LINGO2: variants seen among roughly 807,000 people sequenced by gnomAD.
LINGO2 encodes leucine-rich repeat and immunoglobulin-like domain-containing nogo receptor-interacting protein 2.
A neutral mutation model predicts 30.6 loss-of-function variants in LINGO2; 14 were observed. The observed-to-expected ratio is 0.46, with a 90% confidence interval of 0.30 to 0.72. The LOEUF is 0.72. LINGO2 is among the 30% of genes least tolerant of loss of function. LINGO2 has a pLI of 0.07. For missense variants in LINGO2, 729 were observed against 751.7 expected, an observed-to-expected ratio of 0.97 and a Z score of 0.35; for synonymous variants, 317 against 288.5, an observed-to-expected ratio of 1.10 and a Z score of -1.00.
the LINGO2 span, among the ~76,000 whole-genome samples, chr9:28,695,569 C>T: frequency 1.3e-5 from 2 of 151,836 alleles, no homozygotes; most frequent in Non-Finnish European, 3.0e-5. Context: ...TGGAAAGATA[C>T]ACATTTTCAA....
At chr9:28,099,589 T>C (rs957165276) in intron 4 of LINGO2, among the ~76,000 whole-genome samples, 5 of 152,204 alleles carry the variant, frequency 3.3e-5, no homozygotes, top group African/African-American at 7.2e-5. Flanking sequence ...CCACTGTATC[T>C]ACTTGGACTA....
chr9:28,851,895 T>C, the LINGO2 span, among the ~76,000 whole-genome samples: 56 of 151,860 alleles, frequency 3.7e-4, no homozygotes, highest in Non-Finnish European at 1.5e-4. Flanking sequence ...TGTATATATA[T>C]AATCACATTT....
chr9:28,753,855 G>A, the LINGO2 span, among the ~76,000 whole-genome samples: 1 of 151,964 alleles, frequency 6.6e-6, no homozygotes, highest in Non-Finnish European at 1.5e-5. Context: ...AAAAGAAAAC[G>A]TATGTAAAGC....
At chr9:29,115,114 A>G in the LINGO2 span, among the ~76,000 whole-genome samples, 4 of 152,166 alleles carry the variant, frequency 2.6e-5, no homozygotes, top group Non-Finnish European at 5.9e-5. Flanking sequence ...GAAACTGACA[A>G]TGGAGCACAA....
At chr9:28,870,894 C>A in the LINGO2 span, among the ~76,000 whole-genome samples, 60 of 152,018 alleles carry the variant, frequency 3.9e-4, no homozygotes, top group African/African-American at 1.3e-3. Flanking sequence ...AAACATGTAT[C>A]AGCCAAAGGC....
At chr9:28,470,677 A>G (rs954443085) in intron 2 of LINGO2, among the ~76,000 whole-genome samples, 3 of 152,144 alleles carry the variant, frequency 2.0e-5, no homozygotes, top group Non-Finnish European at 4.4e-5. Flanking sequence ...ATCGCCATTC[A>G]GCTGTGATTC....
rs145691854 is a variant in LINGO2 at position 28,630,519 on chromosome 9, C to T, written c.-365+39681G>A. On this transcript the variant is annotated intron_variant, in intron 1 of 5. Transcript: ENST00000379992. ...TTTCCTAATTTATGAAAATGACAGA[C>T]ATGATACAACTCAAGCTTCTGAACA... 4.8e-4 allele frequency among the ~76,000 whole-genome samples: 73 copies of T among 152,116 alleles called. No individual in the cohort carries two copies. The East Asian group carries it at 0.013, about 27-fold the overall frequency.
intron 1 of LINGO2, among the ~76,000 whole-genome samples, chr9:28,623,348 C>A (rs546614662): frequency 5.3e-5 from 8 of 152,018 alleles, no homozygotes; most frequent in Admixed American, 2.6e-4. Context: ...GGTTTTAATC[C>A]ATTTTGATTT....
chr9:27,955,935 C>CTTTTTTTTT (rs532878364), intron 5 of LINGO2, among the ~76,000 whole-genome samples: 1 of 106,772 alleles, frequency 9.4e-6, no homozygotes, highest in Non-Finnish European at 1.8e-5. Flanking sequence ...TGGATACTGA[C>CTTTTTTTTT]TTTTTTTTTT....
intron 1 of LINGO2, among the ~76,000 whole-genome samples, chr9:28,541,481 A>G (rs891166997): frequency 3.3e-5 from 5 of 152,292 alleles, no homozygotes; most frequent in African/African-American, 1.2e-4. Flanking sequence ...ACATGAATAG[A>G]AAAACAAGAG....
chr9:27,948,880 G>A, exon 6 of LINGO2: 2 of 1,612,622 alleles, frequency 1.2e-6, no homozygotes, highest in South Asian at 1.1e-5. Flanking sequence ...AACCTCCTGG[G>A]TCCAGCTACC....
chr9:28,924,776 T>C, the LINGO2 span, among the ~76,000 whole-genome samples: 1 of 152,256 alleles, frequency 6.6e-6, no homozygotes, highest in African/African-American at 2.4e-5. Context: ...TAATCATTTA[T>C]GTGTCCGATG....
chr9:28,515,247 C>G (rs1243368052), intron 1 of LINGO2, among the ~76,000 whole-genome samples: 1 of 147,700 alleles, frequency 6.8e-6, no homozygotes, highest in Non-Finnish European at 1.5e-5. Context: ...CGCTCTGTCG[C>G]TCAGGCTGGA....
intron 1 of LINGO2, among the ~76,000 whole-genome samples, chr9:28,554,069 A>G (rs2135516825): frequency 6.6e-6 from 1 of 152,132 alleles, no homozygotes; most frequent in Admixed American, 6.5e-5. Context: ...GAACATCGAG[A>G]CTAGGAAGAA....
chr9:28,193,394 A>T (rs541444577), intron 4 of LINGO2, among the ~76,000 whole-genome samples: 21 of 152,092 alleles, frequency 1.4e-4, no homozygotes, highest in Non-Finnish European at 2.9e-4. Flanking sequence ...TTTAACTTTT[A>T]ATTAAAAATT....
At chr9:29,089,423 C>T in the LINGO2 span, among the ~76,000 whole-genome samples, 4 of 151,800 alleles carry the variant, frequency 2.6e-5, no homozygotes, top group Admixed American at 6.6e-5. Context: ...AACATTCTTC[C>T]AAGCTGCTTC....
At chr9:28,186,829 C>T (rs1167142566) in intron 4 of LINGO2, among the ~76,000 whole-genome samples, 1 of 152,018 alleles carries the variant, frequency 6.6e-6, no homozygotes, top group Non-Finnish European at 1.5e-5. Context: ...CGGAGCAGAT[C>T]AGCAAGGAGA....
chr9:28,421,305 C>T (rs1002972096), intron 2 of LINGO2, among the ~76,000 whole-genome samples: 3 of 151,066 alleles, frequency 2.0e-5, no homozygotes, highest in Non-Finnish European at 4.4e-5. Flanking sequence ...AATGAAAAAA[C>T]ATTCTATTTT....
At chr9:29,075,877 A>G in the LINGO2 span, among the ~76,000 whole-genome samples, 11 of 152,246 alleles carry the variant, frequency 7.2e-5, 1 homozygote, top group African/African-American at 2.6e-4. Context: ...ATGAATGCTA[A>G]GCTATATTCT....
Sources: allele counts gnomAD v4.1 joint callset (sites outside exome capture counted in the v4.1 genomes callset), GRCh38; gene constraint gnomAD v4.1.1; transcripts MANE v1.5; gene names NCBI Gene and HGNC (gene_info 2026-07-23, HGNC 2026-07-21).